Variants in ANO4 observed in about 807,000 individuals in gnomAD.
ANO4 encodes anoctamin-4.
ANO4 carries 69 observed loss-of-function variants against 141.9 expected under a neutral mutation model. That is an observed-to-expected ratio of 0.49 (90% CI 0.40 to 0.59). The LOEUF (loss-of-function observed/expected upper bound fraction) is 0.59, where lower values mean the gene tolerates loss of function less well. ANO4 is among the 20% of genes least tolerant of loss of function. The pLI is 0.00. For missense variants in ANO4, 894 were observed against 1,162.2 expected, an observed-to-expected ratio of 0.77 and a Z score of 3.36; for synonymous variants, 350 against 394.3, an observed-to-expected ratio of 0.89 and a Z score of 1.33.
intron 3 of ANO4, among the ~76,000 whole-genome samples, chr12:100,931,884 C>A (rs1032645559): frequency 8.9e-4 from 136 of 152,036 alleles, no homozygotes; most frequent in African/African-American, 3.1e-3. Flanking sequence ...CTTAAAGGGA[C>A]CTTAGTCTAA....
At chr12:101,037,199 A>G (rs2047234738) in intron 10 of ANO4, 49 bp downstream of exon 10, 3 of 1,577,432 alleles carry the variant, frequency 1.9e-6, no homozygotes, top group African/African-American at 2.7e-5. Context: ...GTTTGTTACT[A>G]AAGTCAGCTT....
intron 1 of ANO4, among the ~76,000 whole-genome samples, chr12:100,726,874 A>T (rs2031145364): frequency 6.6e-6 from 1 of 152,010 alleles, no homozygotes; most frequent in Non-Finnish European, 1.5e-5. Flanking sequence ...GTGCAACATT[A>T]AAAAAACTTT....
chr12:100,780,117 G>A (rs2033668202), intron 3 of ANO4, among the ~76,000 whole-genome samples: 1 of 151,836 alleles, frequency 6.6e-6, no homozygotes, highest in African/African-American at 2.4e-5. Flanking sequence ...TCGAAATCCT[G>A]GACTAATGCA....
intron 17 of ANO4, among the ~76,000 whole-genome samples, chr12:101,087,632 G>A (rs1282297933): frequency 6.6e-6 from 1 of 152,086 alleles, no homozygotes; most frequent in Non-Finnish European, 1.5e-5. Context: ...TTTTCAGATA[G>A]CATATTTCAG....
At chr12:100,746,019 G>A (rs1377424427) in intron 3 of ANO4, among the ~76,000 whole-genome samples, 1 of 152,204 alleles carries the variant, frequency 6.6e-6, no homozygotes, top group African/African-American at 2.4e-5. Flanking sequence ...TGAAGGAAAC[G>A]AAGGTCAATT....
chr12:100,987,797 T>A, intron 8 of ANO4, 127 bp downstream of exon 8: 1 of 1,318,452 alleles, frequency 7.6e-7, no homozygotes, highest in Non-Finnish European at 1.0e-6. Flanking sequence ...CCTAAAAGTC[T>A]TGTGAGTGTT....
intron 3 of ANO4, among the ~76,000 whole-genome samples, chr12:100,925,154 A>G (rs73391742): frequency 0.019 from 2,876 of 152,198 alleles, 84 homozygotes; most frequent in African/African-American, 0.066. Flanking sequence ...CATTTCTGGA[A>G]GGAAAGATTT....
chr12:101,040,111 C>T (rs2047357373), intron 11 of ANO4, 35 bp downstream of exon 11: 1 of 1,577,762 alleles, frequency 6.3e-7, no homozygotes, highest in Admixed American at 1.7e-5. Context: ...ATAAAGCTTG[C>T]ACAGAATGAT....
intron 3 of ANO4, among the ~76,000 whole-genome samples, chr12:100,785,089 A>G (rs1024309753): frequency 2.6e-5 from 4 of 152,148 alleles, no homozygotes; most frequent in Admixed American, 2.6e-4. Flanking sequence ...GTATTTAAAT[A>G]GACTTTATTT....
At chr12:101,053,936 G>A (rs1045151204) in intron 14 of ANO4, among the ~76,000 whole-genome samples, 2 of 152,208 alleles carry the variant, frequency 1.3e-5, no homozygotes, top group Non-Finnish European at 2.9e-5. Flanking sequence ...AATTGTATTT[G>A]GGAAATAACT....
At chr12:100,868,141 C>T (rs567673506) in intron 1 of ANO4, among the ~76,000 whole-genome samples, 1 of 152,224 alleles carries the variant, frequency 6.6e-6, no homozygotes, top group Non-Finnish European at 1.5e-5. Flanking sequence ...AAGCCTGAGC[C>T]TTTCTTTCTT....
intron 3 of ANO4, among the ~76,000 whole-genome samples, chr12:100,776,090 GA>G (rs2033492720): frequency 6.6e-6 from 1 of 152,150 alleles, no homozygotes; most frequent in South Asian, 2.1e-4. Context: ...TTAATCCTCA[GA>G]AAACCCTATA....
At chr12:100,937,933 C>G (rs2042352762) in intron 3 of ANO4, among the ~76,000 whole-genome samples, 1 of 152,186 alleles carries the variant, frequency 6.6e-6, no homozygotes, top group Non-Finnish European at 1.5e-5. Flanking sequence ...TACCTATATA[C>G]TCTAAGACAA....
At chr12:101,118,781 A>G (rs1186540382) in intron 25 of ANO4, among the ~76,000 whole-genome samples, 1 of 151,900 alleles carries the variant, frequency 6.6e-6, no homozygotes, top group Non-Finnish European at 1.5e-5. Flanking sequence ...GGTTTGTTAC[A>G]TATGTATACA....
intron 8 of ANO4, among the ~76,000 whole-genome samples, chr12:100,992,207 A>G (rs979069295): frequency 6.6e-6 from 1 of 152,226 alleles, no homozygotes; most frequent in African/African-American, 2.4e-5. Context: ...CAAAATGTGC[A>G]TCTAATCATG....
chr12:100,890,195 G>A (rs145863795), intron 1 of ANO4, among the ~76,000 whole-genome samples: 93 of 152,182 alleles, frequency 6.1e-4, no homozygotes, highest in Admixed American at 3.4e-3. Flanking sequence ...CTCCCATTTT[G>A]TAAAAGAGGA....
intron 15 of ANO4, among the ~76,000 whole-genome samples, chr12:101,082,105 A>G (rs1593221930): frequency 1.3e-5 from 2 of 152,170 alleles, no homozygotes; most frequent in Non-Finnish European, 2.9e-5. Context: ...TGTAGCTCCC[A>G]TAATCCCCAT....
At position 100,897,875 on chromosome 12, in the gene ANO4, G is replaced by A. The variant is rs984006609; in HGVS notation, c.-140-3771G>A. Reference sequence around the variant, plus strand: ...TGGTTCTTTAAGAGCTTAGGCCAAAGGACTCTCAACATTCTGGGCTTCCAA... The same window carrying A: ...TGGTTCTTTAAGAGCTTAGGCCAAAAGACTCTCAACATTCTGGGCTTCCAA... On this transcript the variant is annotated intron_variant, in intron 1 of 27. Transcript: ENST00000392977. Among the ~76,000 whole-genome samples the A allele has an allele frequency of 4.6e-5, 7 of 152,294 alleles. No homozygotes were observed. The East Asian group carries it at 1.4e-3, about 29-fold the overall frequency.
chr12:100,894,381 G>C (rs764945513), intron 1 of ANO4, among the ~76,000 whole-genome samples: 1 of 151,948 alleles, frequency 6.6e-6, no homozygotes, highest in Admixed American at 6.6e-5. Context: ...TCGGTGGTTG[G>C]GGGGAGCGGG....
Sources: allele counts gnomAD v4.1 joint callset (sites outside exome capture counted in the v4.1 genomes callset), GRCh38; gene constraint gnomAD v4.1.1; transcripts MANE v1.5; gene names NCBI Gene and HGNC (gene_info 2026-07-23, HGNC 2026-07-21).